CNTN5: variants seen among roughly 807,000 people sequenced by gnomAD.
The protein encoded by CNTN5 is contactin-5.
A neutral mutation model predicts 129.1 loss-of-function variants in CNTN5; 77 were observed. The observed-to-expected ratio is 0.60, with a 90% confidence interval of 0.50 to 0.72. The LOEUF (loss-of-function observed/expected upper bound fraction) is 0.72, where lower values mean the gene tolerates loss of function less well. Among genes scored for constraint, CNTN5 ranks in the 30% least tolerant of loss-of-function variants. The pLI is 0.00. For missense variants in CNTN5, 1,478 were observed against 1,328.8 expected, an observed-to-expected ratio of 1.11 and a Z score of -1.75; for synonymous variants, 509 against 465.6, an observed-to-expected ratio of 1.09 and a Z score of -1.20.
chr11:99,493,605 A>G (rs1946115946), intron 2 of CNTN5, among the ~76,000 whole-genome samples: 1 of 152,194 alleles, frequency 6.6e-6, no homozygotes, highest in Non-Finnish European at 1.5e-5. Flanking sequence ...TTCCGGTTCT[A>G]GTGCAGGTTC....
intron 1 of CNTN5, among the ~76,000 whole-genome samples, chr11:99,255,914 A>G (rs1862357512): frequency 6.6e-6 from 1 of 152,038 alleles, no homozygotes; most frequent in South Asian, 2.1e-4. Flanking sequence ...TAGTTCAGCA[A>G]CAGTTCTTTT....
chr11:100,039,731 A>G (rs1292024462), intron 9 of CNTN5, among the ~76,000 whole-genome samples: 1 of 151,916 alleles, frequency 6.6e-6, no homozygotes, highest in African/African-American at 2.4e-5. Flanking sequence ...GTCTTCCATC[A>G]CTGATACCCT....
intron 1 of CNTN5, among the ~76,000 whole-genome samples, chr11:99,135,174 G>A (rs1481421926): frequency 1.3e-5 from 2 of 152,150 alleles, no homozygotes; most frequent in African/African-American, 4.8e-5. Flanking sequence ...AAGGTACATA[G>A]TCTCTTCATT....
At chr11:99,963,240 G>A (rs375239095) in intron 8 of CNTN5, among the ~76,000 whole-genome samples, 3 of 151,988 alleles carry the variant, frequency 2.0e-5, no homozygotes, top group Non-Finnish European at 4.4e-5. Context: ...GCCCATGCCT[G>A]TGTCCTGAAT....
chr11:100,181,744 T>C (rs1385101290), intron 13 of CNTN5, among the ~76,000 whole-genome samples: 1 of 152,008 alleles, frequency 6.6e-6, no homozygotes, highest in Non-Finnish European at 1.5e-5. Context: ...ATCTCCAAAA[T>C]GTTCATTTAT....
intron 1 of CNTN5, among the ~76,000 whole-genome samples, chr11:99,325,101 A>T (rs1459612589): frequency 6.6e-6 from 1 of 152,142 alleles, no homozygotes. Flanking sequence ...ATGTAAGCTT[A>T]GAGTGACATT....
At chr11:100,093,147 A>G (rs543944181) in intron 13 of CNTN5, among the ~76,000 whole-genome samples, 29 of 152,096 alleles carry the variant, frequency 1.9e-4, no homozygotes, top group Admixed American at 3.3e-4. Context: ...CAAAGACAAC[A>G]AGAGTGGCTA....
chr11:99,820,377 A>C (rs1328201941), intron 4 of CNTN5, among the ~76,000 whole-genome samples: 1 of 152,300 alleles, frequency 6.6e-6, no homozygotes, highest in Non-Finnish European at 1.5e-5. Flanking sequence ...AGAAAATAAT[A>C]AAGAGAGCAC....
Position 100,224,752 on chromosome 11 carries a change from G to C in CNTN5, c.1945G>C (p.Gly649Arg). 2.5e-6 allele frequency: 4 copies of C among 1,612,990 alleles called. No individual in the cohort carries two copies. Among genetic ancestry groups the C allele is most frequent in the Non-Finnish European group, 3.4e-6 (4 of 1,179,140 alleles). ...NILLMHAGRY[G>R]CRVQTTADSV... ...CCTTCTGATGCATGCTGGGAGATATGGCTGCAGGGTACAGACCACAGCAGA... is the reference window on the plus strand; with the variant it reads ...CCTTCTGATGCATGCTGGGAGATATCGCTGCAGGGTACAGACCACAGCAGA... The change falls in exon 16 of 25, where the codon GGC becomes CGC. Residue 649 changes from glycine (G) to arginine (R), a missense_variant. By Grantham distance (125) the Gly-to-Arg change is moderately radical. Transcript: ENST00000524871.
chr11:99,176,307 G>A (rs1857770127), intron 1 of CNTN5, among the ~76,000 whole-genome samples: 1 of 151,718 alleles, frequency 6.6e-6, no homozygotes, highest in South Asian at 2.1e-4. Flanking sequence ...GATTATTCCT[G>A]TTCTCTGTGC....
In CNTN5 at chr11:100,350,858, C is replaced by T. The variant is rs904738557; in HGVS notation, c.3187C>T (p.Pro1063Ser). The T allele has an allele frequency of 6.4e-7, 1 of 1,570,074 alleles. No individual in the cohort carries two copies. The highest frequency in any genetic ancestry group is 8.7e-7 in the Non-Finnish European group (1 of 1,153,822). ...AACAGCTAGTTCTCAAATTAGGGTA[C>T]CATCATATTCAGGTAAGTTTTGACA... ...DGTASSQIRV[P>S]SYSGGKITSA... Residue 1063 changes from proline (P) to serine (S), a missense_variant, in exon 24 of 25, where the codon CCA becomes TCA. Pro to Ser is a moderately conservative substitution (Grantham distance 74). Coordinates refer to ENST00000524871, the MANE Select transcript of CNTN5 (RefSeq NM_014361.4).
At chr11:100,274,523 C>T (rs905365714) in intron 18 of CNTN5, among the ~76,000 whole-genome samples, 3 of 151,946 alleles carry the variant, frequency 2.0e-5, no homozygotes, top group Non-Finnish European at 4.4e-5. Flanking sequence ...AACAAATTTA[C>T]AAGAAAAAAA....
intron 1 of CNTN5, among the ~76,000 whole-genome samples, chr11:99,256,708 G>A (rs984088864): frequency 4.0e-5 from 6 of 151,788 alleles, no homozygotes; most frequent in South Asian, 2.1e-4. Context: ...TAAACTTAGG[G>A]TACAGCATAT....
At chr11:100,077,878 AAC>A (rs1009788633) in intron 13 of CNTN5, among the ~76,000 whole-genome samples, 22 of 151,988 alleles carry the variant, frequency 1.4e-4, no homozygotes, top group African/African-American at 4.6e-4. Flanking sequence ...TATTTAAAAA[AAC>A]AAAATACGTC....
chr11:100,241,039 C>T (rs1184337853), intron 16 of CNTN5, among the ~76,000 whole-genome samples: 1 of 152,110 alleles, frequency 6.6e-6, no homozygotes, highest in African/African-American at 2.4e-5. Context: ...TTATAGAAAA[C>T]TTTGTACAAA....
intron 2 of CNTN5, among the ~76,000 whole-genome samples, chr11:99,505,323 G>A (rs1337400913): frequency 1.3e-5 from 2 of 152,012 alleles, no homozygotes; most frequent in Non-Finnish European, 2.9e-5. Flanking sequence ...TACAAATTTG[G>A]GATATAAGAG....
chr11:100,148,493 A>G (rs185129062), intron 13 of CNTN5, among the ~76,000 whole-genome samples: 2 of 151,932 alleles, frequency 1.3e-5, no homozygotes, highest in African/African-American at 4.8e-5. Flanking sequence ...CAGGGCACTC[A>G]CTGTTCAAAA....
At chr11:99,373,394 T>C (rs1326109294) in intron 2 of CNTN5, among the ~76,000 whole-genome samples, 2 of 151,952 alleles carry the variant, frequency 1.3e-5, no homozygotes, top group Non-Finnish European at 2.9e-5. Context: ...ATGCTCCATC[T>C]TTCATGTTTC....
intron 2 of CNTN5, among the ~76,000 whole-genome samples, chr11:99,518,780 A>G (rs1947158310): frequency 1.3e-5 from 2 of 152,110 alleles, no homozygotes; most frequent in East Asian, 1.9e-4. Flanking sequence ...CCAAGTAATT[A>G]TAATAATTAT....
Sources: gnomAD v4.1 joint callset for allele counts (sites outside exome capture counted in the v4.1 genomes callset) on GRCh38, gnomAD v4.1.1 for gene constraint, MANE v1.5 for transcripts, NCBI Gene and HGNC (gene_info 2026-07-23, HGNC 2026-07-21) for gene names.